Variants in PTPRD observed in about 807,000 individuals in gnomAD.
PTPRD encodes receptor-type tyrosine-protein phosphatase delta.
A neutral mutation model predicts 214.5 loss-of-function variants in PTPRD; 34 were observed. The observed-to-expected ratio is 0.16, with a 90% confidence interval of 0.12 to 0.21. PTPRD has a LOEUF of 0.21. PTPRD is among the 10% of genes least tolerant of loss of function. The pLI is 1.00. For missense variants in PTPRD, 2,545 were observed against 2,398.7 expected, an observed-to-expected ratio of 1.06 and a Z score of -1.27; for synonymous variants, 1,128 against 845.7, an observed-to-expected ratio of 1.33 and a Z score of -5.79.
chr9:9,832,043 G>A (rs1333060197), intron 5 of PTPRD, among the ~76,000 whole-genome samples: 1 of 151,958 alleles, frequency 6.6e-6, no homozygotes, highest in Non-Finnish European at 1.5e-5. Flanking sequence ...GACATTTTAT[G>A]TCTTTAACCT....
At chr9:10,569,899 G>C (rs1379712799) in intron 2 of PTPRD, among the ~76,000 whole-genome samples, 1 of 151,980 alleles carries the variant, frequency 6.6e-6, no homozygotes, top group Admixed American at 6.6e-5. Context: ...TGACACAGTA[G>C]TTCTAGTGTT....
intron 20 of PTPRD, among the ~76,000 whole-genome samples, chr9:8,518,691 T>C (rs1018638556): frequency 6.6e-6 from 1 of 152,236 alleles, no homozygotes; most frequent in African/African-American, 2.4e-5. Context: ...AGCTAAGTGA[T>C]CCTGCACGCA....
chr9:8,862,143 G>C (rs540221718), intron 11 of PTPRD: 1 of 152,380 alleles, frequency 6.6e-6, no homozygotes, highest in Admixed American at 6.5e-5. Context: ...GATCACTTGA[G>C]GTCAGGAGTT....
rs114913458 is a variant in PTPRD at position 9,688,182 on chromosome 9, G to T, written c.-287+46351C>A. 2.5e-3 allele frequency among the ~76,000 whole-genome samples: 387 copies of T among 151,830 alleles called. 1 individual carries two copies. Among genetic ancestry groups the T allele is most frequent in the African/African-American group, 8.9e-3 (369 of 41,450 alleles). ...TCTTTTCTTTATAAATTCCACTCTTGGGCAGTATCTTTATAGCAGTGTATA... is the reference window on the plus strand; with the variant it reads ...TCTTTTCTTTATAAATTCCACTCTTTGGCAGTATCTTTATAGCAGTGTATA... On this transcript the variant is annotated intron_variant, in intron 7 of 45. Transcript: ENST00000381196.
intron 8 of PTPRD, among the ~76,000 whole-genome samples, chr9:9,420,332 G>C (rs1177667779): frequency 6.6e-6 from 1 of 151,716 alleles, no homozygotes; most frequent in Non-Finnish European, 1.5e-5. Flanking sequence ...AAAATATAAA[G>C]CATATTTCTT....
At chr9:9,445,506 C>A (rs1438579352) in intron 8 of PTPRD, among the ~76,000 whole-genome samples, 1 of 152,102 alleles carries the variant, frequency 6.6e-6, no homozygotes, top group Non-Finnish European at 1.5e-5. Flanking sequence ...TTAATTGACT[C>A]ATAGTTCTGC....
chr9:9,941,265 G>A (rs2091382976), intron 4 of PTPRD, among the ~76,000 whole-genome samples: 1 of 152,130 alleles, frequency 6.6e-6, no homozygotes. Context: ...AGATTTGTAT[G>A]CTCAAAAGGT....
chr9:10,252,753 A>G (rs2092902193), intron 3 of PTPRD, among the ~76,000 whole-genome samples: 1 of 152,164 alleles, frequency 6.6e-6, no homozygotes, highest in African/African-American at 2.4e-5. Flanking sequence ...AGTTTGATTT[A>G]CAAATACATA....
intron 2 of PTPRD, among the ~76,000 whole-genome samples, chr9:10,538,967 C>T (rs980888462): frequency 6.6e-6 from 1 of 152,064 alleles, no homozygotes; most frequent in Non-Finnish European, 1.5e-5. Context: ...CCTGGGTCAC[C>T]AGCCTGTGCC....
At chr9:9,171,679 TG>T (rs2099919166) in intron 10 of PTPRD, among the ~76,000 whole-genome samples, 1 of 151,890 alleles carries the variant, frequency 6.6e-6, no homozygotes, top group Non-Finnish European at 1.5e-5. Context: ...GACATATTGA[TG>T]AGGAAAAAAC....
At chr9:9,069,249 A>G (rs1234410798) in intron 10 of PTPRD, among the ~76,000 whole-genome samples, 3 of 152,196 alleles carry the variant, frequency 2.0e-5, no homozygotes, top group Non-Finnish European at 2.9e-5. Context: ...TTTTTCCAAA[A>G]TCGAAAAAGT....
intron 7 of PTPRD, among the ~76,000 whole-genome samples, chr9:9,664,822 T>A (rs955010776): frequency 2.0e-5 from 3 of 151,640 alleles, no homozygotes; most frequent in African/African-American, 7.2e-5. Flanking sequence ...AAAGCCTCTA[T>A]CCCAGAAAGC....
chr9:10,071,791 A>G (rs895013164), intron 3 of PTPRD, among the ~76,000 whole-genome samples: 3 of 151,480 alleles, frequency 2.0e-5, no homozygotes, highest in Admixed American at 6.6e-5. Flanking sequence ...AGTTTCAGGG[A>G]AAAAAAACAG....
chr9:8,519,782 T>G (rs1035657298), intron 20 of PTPRD, among the ~76,000 whole-genome samples: 1 of 152,194 alleles, frequency 6.6e-6, no homozygotes, highest in African/African-American at 2.4e-5. Context: ...TTTATTTGTT[T>G]ATTTTTGAGG....
chr9:9,474,830 G>T (rs1289915134), intron 8 of PTPRD, among the ~76,000 whole-genome samples: 1 of 151,962 alleles, frequency 6.6e-6, no homozygotes, highest in Non-Finnish European at 1.5e-5. Context: ...AGGACTTTTT[G>T]TTGGAGTTTT....
intron 3 of PTPRD, among the ~76,000 whole-genome samples, chr9:10,263,382 T>G (rs2498626): frequency 0.16 from 23,812 of 151,974 alleles, 1,944 homozygotes; most frequent in African/African-American, 0.19. Context: ...AAGTTTGGAA[T>G]TTCCTAGAGA....
At chr9:8,643,045 G>A (rs2096611573) in intron 12 of PTPRD, among the ~76,000 whole-genome samples, 1 of 152,252 alleles carries the variant, frequency 6.6e-6, no homozygotes, top group African/African-American at 2.4e-5. Flanking sequence ...TTTGAACAGG[G>A]TCACCTGTTG....
chr9:10,459,077 T>G (rs2098938797), intron 2 of PTPRD, among the ~76,000 whole-genome samples: 1 of 152,080 alleles, frequency 6.6e-6, no homozygotes, highest in Non-Finnish European at 1.5e-5. Flanking sequence ...GGCCCCAGTG[T>G]GTGATGTTCC....
Position 8,486,146 on chromosome 9 carries a change from A to G in PTPRD, c.2671T>C (p.Tyr891His), listed in dbSNP as rs201698200. ...TTTCTGGCTGAGAGCCTGAAGACGT[A>G]TGATGCTCCCTTGTGGATGTCTGTA... Reference protein sequence around the residue: ...TATDIHKGASYVFRLSARNKV... With the variant: ...TATDIHKGASHVFRLSARNKV... Residue 891 changes from tyrosine (Y) to histidine (H), a missense_variant, in exon 28 of 46, where the codon TAC (tyrosine) becomes CAC (histidine). Physicochemically the swap from Tyr to His is moderately conservative, Grantham distance 83. Coordinates refer to ENST00000381196, the MANE Select transcript of PTPRD (RefSeq NM_002839.4). 146 of 1,614,078 alleles carry G rather than the reference A, an allele frequency of 9.0e-5. No individual in the cohort carries two copies. The highest frequency in any genetic ancestry group is 1.1e-4 in the Non-Finnish European group (129 of 1,180,040).
Sources: allele counts gnomAD v4.1 joint callset (sites outside exome capture counted in the v4.1 genomes callset), GRCh38; gene constraint gnomAD v4.1.1; transcripts MANE v1.5; gene names NCBI Gene and HGNC (gene_info 2026-07-23, HGNC 2026-07-21).